The following GPC5 variants were observed in gnomAD, a reference collection of about 807,000 sequenced individuals.
GPC5 encodes glypican-5.
Under a neutral mutation model 53.9 loss-of-function variants are expected in GPC5, and 47 were observed. The observed-to-expected ratio is 0.87, with a 90% CI of 0.69 to 1.11. The LOEUF (loss-of-function observed/expected upper bound fraction) is 1.11. GPC5 is among the 50% of genes most tolerant of loss of function. The pLI is 0.00. For synonymous variants in GPC5, 286 were observed against 263.3 expected (o/e 1.09, Z -0.84); for missense variants, 748 against 713.1 (o/e 1.05, Z -0.56).
chr13:92,074,991 G>A (rs899991304), intron 6 of GPC5, among the ~76,000 whole-genome samples: 9 of 151,956 alleles, frequency 5.9e-5, no homozygotes, highest in Non-Finnish European at 1.0e-4. Context: ...TTGTACTTTG[G>A]TTCACTTATT....
At position 91,671,780 on chromosome 13, in the gene GPC5, C is replaced by CAAAAAAAAAAAAAAAAAA. The variant is rs55758033; in HGVS notation, c.326-21399_326-21382dup. 1.3e-3 allele frequency among the ~76,000 whole-genome samples: 44 copies of CAAAAAAAAAAAAAAAAAA among 33,124 alleles called. 3 individuals are homozygous for CAAAAAAAAAAAAAAAAAA. Among genetic ancestry groups the CAAAAAAAAAAAAAAAAAA allele is most frequent in the East Asian group, 3.3e-3 (3 of 900 alleles). 21.7% of individuals were successfully genotyped at this position (33,124 alleles called of 152,430 possible). A position where few individuals can be genotyped will look rare whatever the true frequency, so the allele number is the denominator to read the frequency against. ...CCTGTATAGCCAAGACAATCTGAAGCAAAAAAAAAAAAAAAAAAAAAAAAA... is the reference window on the plus strand; with the variant it reads ...CCTGTATAGCCAAGACAATCTGAAGCAAAAAAAAAAAAAAAAAAAAAAAAAAAAAAAAAAAAAAAAAAA... On this transcript the variant is annotated intron_variant, in intron 2 of 7. Coordinates refer to ENST00000377067, the MANE Select transcript of GPC5 (RefSeq NM_004466.6).
chr13:92,818,645 A>T (rs1594527585), intron 7 of GPC5, among the ~76,000 whole-genome samples: 1 of 152,060 alleles, frequency 6.6e-6, no homozygotes, highest in East Asian at 1.9e-4. Context: ...GATATTCTTT[A>T]ATCAGATGGA....
chr13:92,286,967 A>T (rs563407100), intron 7 of GPC5, among the ~76,000 whole-genome samples: 2 of 152,200 alleles, frequency 1.3e-5, no homozygotes, highest in East Asian at 3.8e-4. Context: ...AGATGGCCAT[A>T]TGCAAGCCAA....
chr13:91,707,315 G>A (rs1365115363), intron 3 of GPC5, among the ~76,000 whole-genome samples: 1 of 152,058 alleles, frequency 6.6e-6, no homozygotes, highest in Non-Finnish European at 1.5e-5. Flanking sequence ...ACACTGAGTA[G>A]GTTGGCTATA....
At chr13:91,588,342 G>A (rs934647408) in intron 2 of GPC5, among the ~76,000 whole-genome samples, 1 of 152,086 alleles carries the variant, frequency 6.6e-6, no homozygotes, top group African/African-American at 2.4e-5. Flanking sequence ...GTTCCAAAGA[G>A]CATACCAATT....
chr13:91,580,524 T>C (rs16946242), intron 2 of GPC5, among the ~76,000 whole-genome samples: 19,438 of 152,232 alleles, frequency 0.13, 1,655 homozygotes, highest in African/African-American at 0.25. Flanking sequence ...GCCAAAAGTA[T>C]GATCCTAGCT....
intron 7 of GPC5, among the ~76,000 whole-genome samples, chr13:92,747,638 C>A (rs775687930): frequency 1.3e-5 from 2 of 152,146 alleles, no homozygotes; most frequent in African/African-American, 2.4e-5. Flanking sequence ...AGTCTCTTAA[C>A]GAAACCCATT....
At chr13:92,391,164 G>T (rs1594161870) in intron 7 of GPC5, among the ~76,000 whole-genome samples, 1 of 151,968 alleles carries the variant, frequency 6.6e-6, no homozygotes, top group Non-Finnish European at 1.5e-5. Flanking sequence ...AATTATTTCA[G>T]TATTTATTAA....
intron 7 of GPC5, among the ~76,000 whole-genome samples, chr13:92,356,088 C>T (rs2043519537): frequency 6.6e-6 from 1 of 152,096 alleles, no homozygotes; most frequent in Admixed American, 6.6e-5. Flanking sequence ...GGGATAACTT[C>T]CCTGCTCGTT....
At chr13:91,705,238 C>T (rs2139874484) in intron 3 of GPC5, among the ~76,000 whole-genome samples, 1 of 152,302 alleles carries the variant, frequency 6.6e-6, no homozygotes, top group Admixed American at 6.5e-5. Flanking sequence ...ATTTATGATT[C>T]TGACTTCGTG....
At chr13:92,071,613 C>A (rs1594752341) in intron 6 of GPC5, among the ~76,000 whole-genome samples, 1 of 152,014 alleles carries the variant, frequency 6.6e-6, no homozygotes, top group Admixed American at 6.6e-5. Flanking sequence ...GTCAATTCTT[C>A]CACTTGTGCA....
At chr13:91,543,248 C>A (rs2030067802) in intron 2 of GPC5, among the ~76,000 whole-genome samples, 2 of 152,100 alleles carry the variant, frequency 1.3e-5, no homozygotes, top group Non-Finnish European at 1.5e-5. Flanking sequence ...GCGCCTTGGC[C>A]TCCCAAAGTT....
At chr13:91,509,598 G>A (rs900243352) in intron 2 of GPC5, among the ~76,000 whole-genome samples, 5 of 151,458 alleles carry the variant, frequency 3.3e-5, no homozygotes, top group Non-Finnish European at 7.4e-5. Flanking sequence ...GTTACATTAG[G>A]ACAATATTAA....
rs76088591 is a variant in GPC5, at chr13:92,266,831, T to C, written c.1561+121842T>C. Among the ~76,000 whole-genome samples the C allele has an allele frequency of 4.1e-3, 617 of 152,108 alleles. 19 individuals carry two copies. The East Asian group carries it at 0.072, about 18-fold the overall frequency. ...TTGATTCTTACTAATGATAGTGTAA[T>C]TAAAAACATCAGTGACCAGACATCT... On this transcript the variant is annotated intron_variant, in intron 7 of 7. Coordinates refer to ENST00000377067, the MANE Select transcript of GPC5 (RefSeq NM_004466.6).
intron 1 of GPC5, among the ~76,000 whole-genome samples, chr13:91,426,458 C>G (rs915505077): frequency 1.3e-5 from 2 of 152,146 alleles, no homozygotes; most frequent in African/African-American, 4.8e-5. Context: ...CACACAATCA[C>G]AAGGTGAAGT....
chr13:92,592,972 G>A (rs1883761427), intron 7 of GPC5, among the ~76,000 whole-genome samples: 1 of 151,030 alleles, frequency 6.6e-6, no homozygotes, highest in Non-Finnish European at 1.5e-5. Context: ...CAGGAAGTGG[G>A]CGATGTGCAG....
chr13:92,760,370 C>T (rs1369491958), intron 7 of GPC5, among the ~76,000 whole-genome samples: 3 of 152,116 alleles, frequency 2.0e-5, no homozygotes, highest in East Asian at 1.9e-4. Context: ...TTGGACTGTT[C>T]AGATTTATAT....
rs1436806284 is a variant in GPC5 at position 92,688,149 on chromosome 13, C to T, written c.1562-178133C>T. On this transcript the variant is annotated intron_variant, in intron 7 of 7. Transcript: ENST00000377067. ...AGTTTCAGAAGGAATGGTACCAGTT[C>T]CTCCTTGTACCTCTGGTAGAATTCG... Among the ~76,000 whole-genome samples the T allele has an allele frequency of 3.2e-3, 104 of 32,158 alleles. 12 individuals carry two copies. Among genetic ancestry groups the T allele is most frequent in the African/African-American group, 0.018 (100 of 5,414 alleles). 21.1% of individuals were successfully genotyped at this position (32,158 alleles called of 152,430 possible).
At chr13:91,527,780 A>G (rs368516010) in intron 2 of GPC5, among the ~76,000 whole-genome samples, 7 of 152,074 alleles carry the variant, frequency 4.6e-5, no homozygotes, top group African/African-American at 7.2e-5. Flanking sequence ...CTAAAGCTCA[A>G]CTCTTATCTT....
Sources: allele counts gnomAD v4.1 joint callset (sites outside exome capture counted in the v4.1 genomes callset), GRCh38; gene constraint gnomAD v4.1.1; transcripts MANE v1.5; gene names NCBI Gene and HGNC (gene_info 2026-07-23, HGNC 2026-07-21).